Variants in HOMER1 observed in about 807,000 individuals in gnomAD.
HOMER1 encodes the protein homer scaffold protein 1.
HOMER1 carries 3 observed loss-of-function variants against 48.9 expected under a neutral mutation model. The observed-to-expected ratio is 0.06, with a 90% CI of 0.03 to 0.16. The LOEUF (loss-of-function observed/expected upper bound fraction) is 0.16, where lower values mean the gene tolerates loss of function less well. Ranked by LOEUF, HOMER1 falls within the 10% of genes least tolerant of loss-of-function variation. HOMER1 has a pLI of 1.00. For missense variants in HOMER1, 247 were observed against 411.4 expected (o/e 0.60, Z 3.46); for synonymous variants, 134 against 146.4 (o/e 0.92, Z 0.61).
At chr5:79,476,195 T>C (rs958903679) in intron 1 of HOMER1, among the ~76,000 whole-genome samples, 70 of 152,110 alleles carry the variant, frequency 4.6e-4, no homozygotes, top group African/African-American at 1.7e-3. Context: ...TCTCTTCCAA[T>C]TGAAATGATG....
chr5:79,477,045 C>T (rs1751799944), intron 1 of HOMER1, among the ~76,000 whole-genome samples: 1 of 152,004 alleles, frequency 6.6e-6, no homozygotes, highest in African/African-American at 2.4e-5. Context: ...AAAAACAGGT[C>T]GGAGAGAAAT....
intron 5 of HOMER1, among the ~76,000 whole-genome samples, chr5:79,438,512 T>A (rs541536015): frequency 1.3e-5 from 2 of 152,186 alleles, no homozygotes; most frequent in Non-Finnish European, 2.9e-5. Context: ...AACAAACCCA[T>A]GCTAAAAGTT....
Position 79,502,851 on chromosome 5 carries a change from C to T in HOMER1, c.5+9919G>A, listed in dbSNP as rs554724591. ...TGTCGCCCAGGCTGGAGTGCAGTGG[C>T]GCAATCTCAGCTCACTGCAAGCTCC... On this transcript the variant is annotated intron_variant, in intron 1 of 8. Coordinates refer to ENST00000334082, the MANE Select transcript of HOMER1 (RefSeq NM_004272.5). Among the ~76,000 whole-genome samples the T allele has an allele frequency of 1.3e-4, 20 of 152,274 alleles. No individual in the cohort carries two copies. The South Asian group carries it at 2.3e-3, about 17-fold the overall frequency.
chr5:79,448,209 A>G (rs1333116831), intron 3 of HOMER1, among the ~76,000 whole-genome samples: 6 of 152,180 alleles, frequency 3.9e-5, no homozygotes. Flanking sequence ...TGAACAGAGT[A>G]TCTCCAAACA....
At chr5:79,420,843 A>G (rs1181260992) in intron 5 of HOMER1, among the ~76,000 whole-genome samples, 1 of 152,332 alleles carries the variant, frequency 6.6e-6, no homozygotes, top group Non-Finnish European at 1.5e-5. Flanking sequence ...GCACAAAGAC[A>G]TGCTCCATAC....
chr5:79,476,531 G>A (rs911078362), intron 1 of HOMER1, among the ~76,000 whole-genome samples: 3 of 152,170 alleles, frequency 2.0e-5, no homozygotes, highest in African/African-American at 7.2e-5. Flanking sequence ...CTGGCTTTGA[G>A]TTGGGGTTCT....
At chr5:79,425,770 C>G (rs1750231685) in intron 5 of HOMER1, among the ~76,000 whole-genome samples, 1 of 151,428 alleles carries the variant, frequency 6.6e-6, no homozygotes, top group South Asian at 2.1e-4. Flanking sequence ...CTCTGTAACT[C>G]TAGAGAAAAA....
chr5:79,454,907 T>C (rs1751127125), intron 2 of HOMER1, among the ~76,000 whole-genome samples: 1 of 152,144 alleles, frequency 6.6e-6, no homozygotes, highest in Non-Finnish European at 1.5e-5. Context: ...ACAACAACCC[T>C]ATGGTGGAAT....
intron 4 of HOMER1, among the ~76,000 whole-genome samples, chr5:79,445,549 T>A (rs1476282812): frequency 4.7e-5 from 7 of 147,966 alleles, no homozygotes; most frequent in Non-Finnish European, 1.0e-4. Context: ...AAAGTAATAC[T>A]TTTGTAAAAC....
chr5:79,414,892 A>C (rs1460800967), intron 5 of HOMER1, among the ~76,000 whole-genome samples: 1 of 152,202 alleles, frequency 6.6e-6, no homozygotes, highest in Non-Finnish European at 1.5e-5. Flanking sequence ...AGATTGAGAT[A>C]TATGTTGACT....
At chr5:79,390,973 TAAATA>T (rs1172895789) in intron 8 of HOMER1, among the ~76,000 whole-genome samples, 2 of 151,160 alleles carry the variant, frequency 1.3e-5, no homozygotes, top group Non-Finnish European at 2.9e-5. Flanking sequence ...AACACATATA[TAAATA>T]AAAGTGAAAG....
At chr5:79,385,071 T>G (rs1370168736) in intron 8 of HOMER1, among the ~76,000 whole-genome samples, 1 of 151,898 alleles carries the variant, frequency 6.6e-6, no homozygotes, top group Admixed American at 6.6e-5. Context: ...AGAGATAGGG[T>G]GAGACCCCTA....
chr5:79,496,363 C>T (rs964066661), intron 1 of HOMER1, among the ~76,000 whole-genome samples: 2 of 152,148 alleles, frequency 1.3e-5, no homozygotes, highest in African/African-American at 4.8e-5. Context: ...ACCCTGTCCC[C>T]GCAAAAACCT....
chr5:79,467,188 C>T (rs1331795665), intron 1 of HOMER1, among the ~76,000 whole-genome samples: 4 of 151,566 alleles, frequency 2.6e-5, no homozygotes, highest in Non-Finnish European at 5.9e-5. Flanking sequence ...CACTTGAGGT[C>T]AAGACCAGCC....
chr5:79,374,248 T>C lies in HOMER1; in HGVS notation c.*1761A>G, dbSNP rs1748702783. On this transcript the variant is annotated 3_prime_UTR_variant, in exon 9 of 9. Coordinates refer to ENST00000334082, the MANE Select transcript of HOMER1 (RefSeq NM_004272.5). ...TATCTAAATTATTCTCCCTATAATATATAGGTGAGGAAAATATCCTAAAAT... is the reference window on the plus strand; with the variant it reads ...TATCTAAATTATTCTCCCTATAATACATAGGTGAGGAAAATATCCTAAAAT... 1 of 152,382 alleles carries C rather than the reference T, an allele frequency of 6.6e-6. No individual in the cohort carries two copies. Among genetic ancestry groups the C allele is most frequent in the Non-Finnish European group, 1.5e-5 (1 of 67,864 alleles). The allele number at this position is 152,382 out of a possible 1,614,324, so 9.4% of individuals were successfully genotyped here.
At chr5:79,481,805 T>C (rs1751953986) in intron 1 of HOMER1, among the ~76,000 whole-genome samples, 1 of 152,188 alleles carries the variant, frequency 6.6e-6, no homozygotes, top group Non-Finnish European at 1.5e-5. Flanking sequence ...GAGCTAAAAT[T>C]AGCTGTACAG....
chr5:79,401,861 T>C lies in HOMER1; in HGVS notation c.684+38A>G, dbSNP rs1192986252. The C allele has an allele frequency of 1.1e-5, 18 of 1,595,156 alleles. 1 individual carries two copies. Among genetic ancestry groups the C allele is most frequent in the South Asian group, 4.5e-5 (4 of 88,052 alleles). ...ATTTCTTCTGATCAAGAAAACCTGT[T>C]AGCCCTAAATCCCTATAGACATCAG... On this transcript the variant is annotated intron_variant, in intron 6 of 8. Transcript: ENST00000334082.
chr5:79,505,365 T>C (rs1752740193), intron 1 of HOMER1, among the ~76,000 whole-genome samples: 1 of 152,234 alleles, frequency 6.6e-6, no homozygotes, highest in South Asian at 2.1e-4. Flanking sequence ...CTCTGAGGCA[T>C]GTGACCACAT....
At chr5:79,502,400 C>T (rs189608156) in intron 1 of HOMER1, among the ~76,000 whole-genome samples, 1,747 of 152,066 alleles carry the variant, frequency 0.011, 27 homozygotes, top group Non-Finnish European at 0.014. Context: ...CTTTTTAATA[C>T]CCTCACCCTT....
Sources: allele counts gnomAD v4.1 joint callset (sites outside exome capture counted in the v4.1 genomes callset), GRCh38; gene constraint gnomAD v4.1.1; transcripts MANE v1.5; gene names NCBI Gene and HGNC (gene_info 2026-07-23, HGNC 2026-07-21).